ARHGEF3: variants seen among roughly 807,000 people sequenced by gnomAD.
The protein encoded by ARHGEF3 is Rho guanine nucleotide exchange factor 3, also known as 59.8 kDA protein.
Under a neutral mutation model 63.2 loss-of-function variants are expected in ARHGEF3, and 28 were observed. The ratio of observed to expected loss-of-function variants is 0.44; its 90% CI spans 0.33 to 0.61. ARHGEF3 has a LOEUF of 0.61. Among genes scored for constraint, ARHGEF3 ranks in the 20% least tolerant of loss-of-function variants. The pLI, the probability that ARHGEF3 is intolerant of heterozygous loss-of-function variation, is 0.03. For synonymous variants in ARHGEF3, 266 were observed against 254.2 expected (o/e 1.05, Z -0.44); for missense variants, 533 against 659.3 (o/e 0.81, Z 2.10).
At chr3:56,977,141 C>T (rs1701155398) in intron 2 of ARHGEF3, 10 of 427,844 alleles carry the variant, frequency 2.3e-5, no homozygotes, top group South Asian at 1.8e-4. Context: ...AAGGGTAAGG[C>T]CAGACAGTCC....
intron 2 of ARHGEF3, among the ~76,000 whole-genome samples, chr3:57,031,019 C>A (rs997710684): frequency 6.6e-6 from 1 of 152,212 alleles, no homozygotes; most frequent in Non-Finnish European, 1.5e-5. Context: ...GGGGTTGGCC[C>A]AGGCTGATCT....
At chr3:56,748,627 T>G (rs1244416577) in intron 6 of ARHGEF3, among the ~76,000 whole-genome samples, 1 of 151,188 alleles carries the variant, frequency 6.6e-6, no homozygotes, top group African/African-American at 2.4e-5. Flanking sequence ...CAAATTAACA[T>G]GAGAACTTTC....
intron 2 of ARHGEF3, among the ~76,000 whole-genome samples, chr3:57,002,481 A>ATATATATATATATATATATATGT (rs1560122783): frequency 5.1e-5 from 1 of 19,472 alleles, no homozygotes; most frequent in Non-Finnish European, 1.0e-4. Flanking sequence ...TATATATGTT[A>ATATATATATATATATATATATGT]TATATATATA....
chr3:57,003,880 C>A (rs145957342), intron 2 of ARHGEF3, among the ~76,000 whole-genome samples: 3 of 152,328 alleles, frequency 2.0e-5, no homozygotes, highest in Non-Finnish European at 4.4e-5. Flanking sequence ...AGGAGCCAAG[C>A]CTGCTGGCAT....
intron 2 of ARHGEF3, among the ~76,000 whole-genome samples, chr3:56,968,296 A>T (rs796220655): frequency 0.078 from 3,038 of 38,878 alleles, 362 homozygotes; most frequent in Non-Finnish European, 0.13. Flanking sequence ...TAATATATAT[A>T]ATATATAATA....
chr3:56,887,746 T>A (rs1008149575), intron 3 of ARHGEF3, among the ~76,000 whole-genome samples: 6 of 152,180 alleles, frequency 3.9e-5, no homozygotes, highest in Non-Finnish European at 8.8e-5. Flanking sequence ...AAAGGCACAG[T>A]CCACTTCCCT....
chr3:56,938,144 G>A (rs940057075), intron 3 of ARHGEF3, among the ~76,000 whole-genome samples: 2 of 152,174 alleles, frequency 1.3e-5, no homozygotes, highest in Admixed American at 6.5e-5. Context: ...CACCACGTGG[G>A]AGTTGGCAGT....
At chr3:56,960,039 T>G (rs187956685) in intron 2 of ARHGEF3, among the ~76,000 whole-genome samples, 15 of 152,328 alleles carry the variant, frequency 9.8e-5, no homozygotes, top group Middle Eastern at 3.4e-3. Context: ...ACCTTTCTGC[T>G]GTAATCAGCA....
intron 3 of ARHGEF3, chr3:56,898,589 G>T (rs1324166252): frequency 3.7e-6 from 1 of 273,602 alleles, no homozygotes; most frequent in Admixed American, 3.8e-5. Flanking sequence ...AGATCCTGGA[G>T]CAAAGATGTA....
intron 3 of ARHGEF3, among the ~76,000 whole-genome samples, chr3:56,914,380 G>T (rs1457318321): frequency 6.6e-6 from 1 of 152,172 alleles, no homozygotes; most frequent in African/African-American, 2.4e-5. Context: ...CCCATCCAAG[G>T]ATGAATGGAT....
intron 4 of ARHGEF3, among the ~76,000 whole-genome samples, chr3:56,812,422 G>A (rs1187046061): frequency 6.6e-6 from 1 of 152,162 alleles, no homozygotes; most frequent in Non-Finnish European, 1.5e-5. Context: ...TGAACAAGGT[G>A]GACTTGCCAG....
At chr3:56,746,002 A>G (rs2034362058) in intron 6 of ARHGEF3, among the ~76,000 whole-genome samples, 1 of 152,230 alleles carries the variant, frequency 6.6e-6, no homozygotes, top group African/African-American at 2.4e-5. Context: ...AAGACTTTGG[A>G]ACATTTAACC....
chr3:56,849,920 G>C (rs1290930261), intron 4 of ARHGEF3, among the ~76,000 whole-genome samples: 1 of 152,092 alleles, frequency 6.6e-6, no homozygotes, highest in African/African-American at 2.4e-5. Flanking sequence ...GGGCCTTTTG[G>C]AAAACACGCC....
intron 3 of ARHGEF3, among the ~76,000 whole-genome samples, chr3:56,916,132 G>A (rs1443619991): frequency 6.6e-6 from 1 of 152,136 alleles, no homozygotes; most frequent in Non-Finnish European, 1.5e-5. Flanking sequence ...ATACGAAAGT[G>A]AGGCGGGAAT....
At chr3:56,733,800 A>T (rs967737733) in intron 8 of ARHGEF3, among the ~76,000 whole-genome samples, 1 of 152,018 alleles carries the variant, frequency 6.6e-6, no homozygotes, top group Non-Finnish European at 1.5e-5. Flanking sequence ...CCTGGCCAAC[A>T]TGGTGAAACC....
At chr3:56,936,608 A>T (rs1206996714) in intron 3 of ARHGEF3, among the ~76,000 whole-genome samples, 1 of 152,238 alleles carries the variant, frequency 6.6e-6, no homozygotes, top group Non-Finnish European at 1.5e-5. Context: ...AAAACAAATT[A>T]AGTCTTTAGA....
chr3:56,733,606 G>A lies in ARHGEF3; in HGVS notation c.1042-1182C>T, dbSNP rs114073504. On this transcript the variant is annotated intron_variant, in intron 8 of 9. Transcript: ENST00000296315. ...AAACACTTGTTCCTTCAACCACAAA[G>A]TCATTATCAGCTTTATTCAGGAACT... 5.6e-3 allele frequency among the ~76,000 whole-genome samples: 845 copies of A among 152,154 alleles called. 6 individuals are homozygous for A. The highest frequency in any genetic ancestry group is 0.019 in the African/African-American group (769 of 41,500).
intron 2 of ARHGEF3, among the ~76,000 whole-genome samples, chr3:57,023,767 T>G (rs1027480079): frequency 2.0e-5 from 3 of 152,208 alleles, no homozygotes; most frequent in Non-Finnish European, 4.4e-5. Context: ...GCTTCCATTT[T>G]CTGTCTGCTA....
chr3:56,848,096 T>G (rs2039549867), intron 4 of ARHGEF3, among the ~76,000 whole-genome samples: 1 of 152,150 alleles, frequency 6.6e-6, no homozygotes, highest in South Asian at 2.1e-4. Context: ...GAAATAGCTT[T>G]AAAGAGAGAA....
Sources: gnomAD v4.1 joint callset for allele counts (sites outside exome capture counted in the v4.1 genomes callset) on GRCh38, gnomAD v4.1.1 for gene constraint, MANE v1.5 for transcripts, NCBI Gene and HGNC (gene_info 2026-07-23, HGNC 2026-07-21) for gene names.